The following ANAPC4 variants were observed in gnomAD, a reference collection of about 807,000 sequenced individuals.
ANAPC4 encodes anaphase-promoting complex subunit 4.
ANAPC4 carries 63 observed loss-of-function variants against 119.8 expected under a neutral mutation model. The ratio of observed to expected loss-of-function variants is 0.53; its 90% CI spans 0.43 to 0.65. The LOEUF (loss-of-function observed/expected upper bound fraction) is 0.65, where lower values mean the gene tolerates loss of function less well. Among genes scored for constraint, ANAPC4 ranks in the 30% least tolerant of loss-of-function variants. The pLI is 0.00. For missense variants in ANAPC4, 716 were observed against 945.1 expected (o/e 0.76, Z 3.18); for synonymous variants, 283 against 318.6 (o/e 0.89, Z 1.19).
At chr4:25,413,332 TTCA>T in intron 21 of ANAPC4, 1 of 222,660 alleles carries the variant, frequency 4.5e-6, no homozygotes, top group Admixed American at 5.4e-5. Flanking sequence ...TGAATTTTAT[TTCA>T]TCATATATTT....
Position 25,416,553 on chromosome 4 carries a change from G to C in ANAPC4, c.2030G>C (p.Ser677Thr). The change falls in exon 27 of 29, where the codon AGT becomes ACT. Residue 677 changes from serine (S) to threonine (T), a missense_variant. By Grantham distance (58) the Ser-to-Thr change is moderately conservative. Around this residue, in one of 3 missense-constraint regions of ANAPC4, gnomAD observed 504 missense variants for 615.8 expected, o/e 0.82. Transcript: ENST00000315368. ...VQLPLSLVYN[S>T]EDSAEYQFTG... ...CTGCCTTTGTCTTTAGTATATAACAGTGAAGATTCTGCAGAATATCAGTTC... is the reference window on the plus strand; with the variant it reads ...CTGCCTTTGTCTTTAGTATATAACACTGAAGATTCTGCAGAATATCAGTTC... 6.3e-7 allele frequency: 1 copy of C among 1,583,260 alleles called. No individual in the cohort carries two copies. Among genetic ancestry groups the C allele is most frequent in the Non-Finnish European group, 8.6e-7 (1 of 1,159,306 alleles).
chr4:25,416,134 A>G (rs1722197223), intron 26 of ANAPC4: 4 of 230,574 alleles, frequency 1.7e-5, no homozygotes, highest in East Asian at 8.8e-5. Context: ...TAGAATTTCC[A>G]CAGGCTTAAG....
chr4:25,409,021 T>A (rs315664), intron 20 of ANAPC4, among the ~76,000 whole-genome samples: 2 of 152,178 alleles, frequency 1.3e-5, no homozygotes, highest in Non-Finnish European at 2.9e-5. Flanking sequence ...GATTTGGGAC[T>A]ACTACCTTGA....
intron 16 of ANAPC4, among the ~76,000 whole-genome samples, chr4:25,400,363 G>A (rs1432844792): frequency 2.0e-5 from 3 of 152,134 alleles, no homozygotes; most frequent in African/African-American, 7.2e-5. Flanking sequence ...AGGAGGAAAG[G>A]CTGAGAGAGG....
At chr4:25,382,585 T>C (rs1359183598) in intron 3 of ANAPC4, among the ~76,000 whole-genome samples, 1 of 149,880 alleles carries the variant, frequency 6.7e-6, no homozygotes, top group African/African-American at 2.5e-5. Flanking sequence ...GTAAAATGTG[T>C]TTTTTGTTAG....
rs114686450 is a variant in ANAPC4 at position 25,387,021 on chromosome 4, A to G, written c.369-1479A>G. Among the ~76,000 whole-genome samples the G allele has an allele frequency of 3.5e-3, 536 of 152,220 alleles. 2 individuals carry two copies. The highest frequency in any genetic ancestry group is 5.8e-3 in the Non-Finnish European group (392 of 68,006). On this transcript the variant is annotated intron_variant, in intron 4 of 28. Transcript: ENST00000315368. ...TACATATATTAATTTCCATTTCATG[A>G]TTTATATCATCTGGAACTTTTTTTT... is the stretch of plus-strand genomic sequence containing the variant.
intron 14 of ANAPC4, 69 bp downstream of exon 14, chr4:25,394,974 G>A (rs1396381413): frequency 1.2e-5 from 14 of 1,194,984 alleles, no homozygotes; most frequent in Non-Finnish European, 1.6e-5. Context: ...TCTTTCCGCC[G>A]CCTTTTCTTC....
intron 16 of ANAPC4, among the ~76,000 whole-genome samples, chr4:25,402,103 T>C (rs1723010883): frequency 6.6e-6 from 1 of 152,144 alleles, no homozygotes; most frequent in African/African-American, 2.4e-5. Flanking sequence ...CAAAGGAACT[T>C]TTTTTCTTTC....
rs1304540668 is a variant in ANAPC4 at position 25,406,825 on chromosome 4, A to T, written c.1318-4A>T. The T allele has an allele frequency of 3.1e-6, 5 of 1,596,954 alleles. No individual in the cohort carries two copies. In the African/African-American group the frequency reaches 6.7e-5, roughly 22 times the overall value. On this transcript the variant is annotated splice_polypyrimidine_tract_variant and splice_region_variant and intron_variant, in intron 18 of 28. Coordinates refer to ENST00000315368, the MANE Select transcript of ANAPC4 (RefSeq NM_013367.3). Reference sequence around the variant, plus strand: ...ATTTTTCTTTTTGTTCCTTTTGTTGATAGATGACTCAGAAAGATATCACAT... The same window carrying T: ...ATTTTTCTTTTTGTTCCTTTTGTTGTTAGATGACTCAGAAAGATATCACAT...
chr4:25,408,156 A>G (rs1723365894), intron 20 of ANAPC4, among the ~76,000 whole-genome samples: 1 of 152,196 alleles, frequency 6.6e-6, no homozygotes, highest in Non-Finnish European at 1.5e-5. Flanking sequence ...AGGTGTGTAT[A>G]TGAAAAGGGA....
Position 25,377,475 on chromosome 4 carries a change from G to C in ANAPC4, c.48G>C (p.Glu16Asp). The change falls in exon 2 of 29, where the codon GAG (glutamate) becomes GAC (aspartate). Residue 16 changes from glutamate (E) to aspartate (D), a missense_variant. By Grantham distance (45) the Glu-to-Asp change is conservative. Around this residue, in one of 3 missense-constraint regions of ANAPC4, gnomAD observed 202 missense variants for 293.5 expected, o/e 0.69. Coordinates refer to ENST00000315368, the MANE Select transcript of ANAPC4 (RefSeq NM_013367.3). ...TCCCATCCTTCCGGGTGGTGGGAGA[G>C]AAGCAGCTCCCGCAGGAGATTATTT... is the stretch of plus-strand genomic sequence containing the variant. The part of the protein sequence containing the change: ...TCFPSFRVVG[E>D]KQLPQEIIFL... The C allele has an allele frequency of 6.2e-7, 1 of 1,614,166 alleles. No individual in the cohort carries two copies. The highest frequency in any genetic ancestry group is 8.5e-7 in the Non-Finnish European group (1 of 1,180,014).
chr4:25,394,682 A>G lies in ANAPC4; in HGVS notation c.953A>G (p.Gln318Arg). 6.2e-7 allele frequency: 1 copy of G among 1,600,720 alleles called. No individual in the cohort carries two copies. The highest frequency in any genetic ancestry group is 8.5e-7 in the Non-Finnish European group (1 of 1,176,304). ...LLWGKASAEL[Q>R]TLLMNQLTVK... is the part of the protein sequence containing the mutation. The stretch of plus-strand genomic sequence containing the variant: ...GTTTTTCATTGTAGTGCTGAACTTC[A>G]GACTCTCTTGATGAATCAGTTAACA... Residue 318 changes from glutamine to arginine, a missense_variant, in exon 13 of 29, where the codon CAG (glutamine) becomes CGG (arginine). By Grantham distance (43) the Gln-to-Arg change is conservative. Coordinates refer to ENST00000315368, the MANE Select transcript of ANAPC4 (RefSeq NM_013367.3).
At chr4:25,383,485 G>A in intron 4 of ANAPC4, 92 bp downstream of exon 4, 1 of 1,209,774 alleles carries the variant, frequency 8.3e-7, no homozygotes, top group Non-Finnish European at 1.1e-6. Context: ...TTGGGTGTAT[G>A]TGCGTTGTAT....
At chr4:25,415,155 T>G (rs3816586) in intron 25 of ANAPC4, 103,255 of 236,858 alleles carry the variant, frequency 0.44, 25,431 homozygotes, top group Non-Finnish European at 0.53. Flanking sequence ...AAAGTAGAAG[T>G]TCTGAAAAAT....
At chr4:25,397,194 A>G (rs1722706048) in intron 16 of ANAPC4, among the ~76,000 whole-genome samples, 1 of 152,196 alleles carries the variant, frequency 6.6e-6, no homozygotes, top group Non-Finnish European at 1.5e-5. Flanking sequence ...TCTAAATTGT[A>G]TGACTATGCC....
Position 25,414,324 on chromosome 4 carries a change from G to A in ANAPC4, c.1624G>A (p.Asp542Asn), listed in dbSNP as rs1448502355. The change falls in exon 23 of 29, where the codon GAT becomes AAT. Residue 542 changes from aspartate to asparagine, a missense_variant and splice_region_variant. Transcript: ENST00000315368. ...TATTTTAAAATCTTATTTTATATAG[G>A]ATGTAATTGGAAAATCGATGAATCA... The part of the protein sequence containing the change: ...IIDQCLQKPA[D>N]VIGKSMNQAI... The A allele has an allele frequency of 6.4e-7, 1 of 1,554,288 alleles. No individual in the cohort carries two copies. Among genetic ancestry groups the A allele is most frequent in the East Asian group, 2.3e-5 (1 of 44,054 alleles).
In ANAPC4 at chr4:25,407,265, GA is replaced by G. The variant is rs748759262; in HGVS notation, c.1431+14del. The G allele has an allele frequency of 6.3e-7, 1 of 1,591,022 alleles. No individual in the cohort carries two copies. The highest frequency in any genetic ancestry group is 2.3e-5 in the East Asian group (1 of 44,328). On this transcript the variant is annotated intron_variant, in intron 20 of 28. Transcript: ENST00000315368. ...AAAGAGTTGGTCAGGTATGGGCTTT[GA>G]ACTCATTTTAAAACCTTAGCAGTGT... is the stretch of plus-strand genomic sequence containing the variant.
Position 25,416,416 on chromosome 4 carries a change from TA to T in ANAPC4, c.1902-7del. The T allele has an allele frequency of 6.7e-7, 1 of 1,491,948 alleles. No individual in the cohort carries two copies. Among genetic ancestry groups the T allele is most frequent in the Non-Finnish European group, 9.0e-7 (1 of 1,106,772 alleles). The allele number at this position is 1,491,948 out of a possible 1,614,324, so 92.4% of individuals were successfully genotyped here. A position where few individuals can be genotyped will look rare whatever the true frequency, so the allele number is the denominator to read the frequency against. On this transcript the variant is annotated splice_region_variant and splice_polypyrimidine_tract_variant and intron_variant, in intron 26 of 28. Coordinates refer to ENST00000315368, the MANE Select transcript of ANAPC4 (RefSeq NM_013367.3). ...ATCTTTGATATAACAAAACTTATTT[TA>T]ATTCTAGCATCTACAGTTGTTTAGA... is the stretch of plus-strand genomic sequence containing the variant.
intron 14 of ANAPC4, among the ~76,000 whole-genome samples, chr4:25,395,850 G>C (rs556441516): frequency 1.3e-3 from 201 of 152,206 alleles, no homozygotes; most frequent in Non-Finnish European, 2.5e-3. Flanking sequence ...GGACTAGTTG[G>C]GCTCTTTCAG....
Sources: allele counts gnomAD v4.1 joint callset (sites outside exome capture counted in the v4.1 genomes callset), GRCh38; gene constraint gnomAD v4.1.1; regional missense constraint gnomAD v4.1.1; transcripts MANE v1.5; gene names NCBI Gene and HGNC (gene_info 2026-07-23, HGNC 2026-07-21).